CHD9: variants seen among roughly 807,000 people sequenced by gnomAD.
CHD9 encodes chromodomain helicase DNA binding protein 9.
In CHD9, 77 loss-of-function variants were observed where a neutral mutation model predicts 316.1. That is an observed-to-expected ratio of 0.24 (90% CI 0.20 to 0.29). CHD9 has a LOEUF of 0.29. CHD9 is among the 10% of genes least tolerant of loss of function. The probability of loss-of-function intolerance (pLI) is 1.00; values close to 1 mark genes in which losing one functional copy is unlikely to be tolerated. For missense variants in CHD9, 2,763 were observed against 3,438.1 expected, an observed-to-expected ratio of 0.80 and a Z score of 4.91; for synonymous variants, 1,129 against 1,158.3, an observed-to-expected ratio of 0.97 and a Z score of 0.51.
intron 26 of CHD9, 122 bp from the exon 27 acceptor site, chr16:53,287,835 C>A: frequency 1.3e-6 from 1 of 753,098 alleles, no homozygotes; most frequent in Non-Finnish European, 2.3e-6. Flanking sequence ...GCTCTTCTGG[C>A]TAGAGAAGAG....
chr16:53,128,049 G>A lies in CHD9; in HGVS notation c.-164-27877G>A, dbSNP rs902687723. Reference sequence around the variant, plus strand: ...TGCTTGGGACTAAATTTCAGTAAACGTATCTATTGTAGGATGTTTCTTTCA... The same window carrying A: ...TGCTTGGGACTAAATTTCAGTAAACATATCTATTGTAGGATGTTTCTTTCA... On this transcript the variant is annotated intron_variant, in intron 1 of 38. Transcript: ENST00000447540. 1.3e-4 allele frequency among the ~76,000 whole-genome samples: 20 copies of A among 151,702 alleles called. No homozygotes were observed. In the South Asian group the frequency reaches 3.5e-3, roughly 27 times the overall value.
At chr16:53,191,731 C>T (rs1246676033) in intron 2 of CHD9, among the ~76,000 whole-genome samples, 2 of 152,048 alleles carry the variant, frequency 1.3e-5, no homozygotes, top group Admixed American at 6.5e-5. Flanking sequence ...CCTCTAAGAA[C>T]ATTCAAGTTC....
chr16:53,148,132 A>G (rs73599557), intron 1 of CHD9, among the ~76,000 whole-genome samples: 47,284 of 152,046 alleles, frequency 0.31, 7,514 homozygotes, highest in Middle Eastern at 0.39. Flanking sequence ...GTTTGAATCC[A>G]GGAGGCAGAG....
chr16:53,202,567 T>C (rs901342351), intron 2 of CHD9, among the ~76,000 whole-genome samples: 3 of 152,194 alleles, frequency 2.0e-5, no homozygotes, highest in African/African-American at 7.2e-5. Context: ...ATTTTGCTGA[T>C]TACATCTGGA....
In CHD9 at chr16:53,208,782, A is replaced by G. The variant is rs149931182; in HGVS notation, c.1453-700A>G. 8.5e-6 allele frequency: 7 copies of G among 826,562 alleles called. No individual in the cohort carries two copies. The East Asian group carries it at 7.5e-4, about 88-fold the overall frequency. The allele number at this position is 826,562 out of a possible 1,614,324, so 51.2% of individuals were successfully genotyped here. ...TGTTTGAAGAGGAAATTCTTTTTAA[A>G]ATGCTCTTGATCTGCTTCCTGTGAT... On this transcript the variant is annotated intron_variant, in intron 2 of 38. Transcript: ENST00000447540.
Position 53,261,752 on chromosome 16 carries a change from A to G in CHD9, c.4210-1235A>G, listed in dbSNP as rs139684199. 1.3e-3 allele frequency among the ~76,000 whole-genome samples: 202 copies of G among 152,318 alleles called. 1 individual carries two copies. The highest frequency in any genetic ancestry group is 4.4e-3 in the African/African-American group (183 of 41,584). On this transcript the variant is annotated intron_variant, in intron 19 of 38. Coordinates refer to ENST00000447540, the MANE Select transcript of CHD9 (RefSeq NM_001308319.2). ...TATCAACTCATGCTAAACTTGTTTC[A>G]TCACCACCTCCCACTTTTTCATACT...
In CHD9 at chr16:53,267,159, A is replaced by G. The variant is rs537408851; in HGVS notation, c.4321-135A>G. The G allele has an allele frequency of 1.9e-5, 10 of 520,274 alleles. No individual in the cohort carries two copies. In the South Asian group the frequency reaches 4.1e-4, roughly 21 times the overall value. The allele number at this position is 520,274 out of a possible 1,614,324, so 32.2% of individuals were successfully genotyped here. A position where few individuals can be genotyped will look rare whatever the true frequency, so the allele number is the denominator to read the frequency against. Reference sequence around the variant, plus strand: ...ATAAGCAATTCTAAGTTGACTGAATAGGTTGGTGAAATTGTTAGTTGTTTC... The same window carrying G: ...ATAAGCAATTCTAAGTTGACTGAATGGGTTGGTGAAATTGTTAGTTGTTTC... On this transcript the variant is annotated intron_variant, in intron 20 of 38. Transcript: ENST00000447540.
chr16:53,241,307 T>C (rs903591286), intron 12 of CHD9, among the ~76,000 whole-genome samples: 3 of 152,206 alleles, frequency 2.0e-5, no homozygotes, highest in African/African-American at 4.8e-5. Context: ...CCCCCTTTAT[T>C]GGTTCCTTCT....
intron 1 of CHD9, among the ~76,000 whole-genome samples, chr16:53,074,482 C>T (rs896599374): frequency 3.3e-5 from 5 of 152,170 alleles, no homozygotes; most frequent in African/African-American, 7.2e-5. Flanking sequence ...GAGACCTTTG[C>T]GGCAGCCTCT....
chr16:53,267,352 C>T lies in CHD9; in HGVS notation c.4379C>T (p.Thr1460Ile). 1 of 1,612,314 alleles carries T rather than the reference C, an allele frequency of 6.2e-7. No individual in the cohort carries two copies. The highest frequency in any genetic ancestry group is 8.5e-7 in the Non-Finnish European group (1 of 1,178,978). ...IRKQTRPFSA[T>I]KDELAELSEA... ...AAGCAAACAAGACCTTTTAGTGCCA[C>T]AAAAGATGAATTGGCTGAATTATCT... Residue 1460 changes from threonine (T) to isoleucine (I), a missense_variant, in exon 21 of 39, where the codon ACA (threonine) becomes ATA (isoleucine). Physicochemically the swap from Thr to Ile is moderately conservative, Grantham distance 89 (BLOSUM62 -1). Coordinates refer to ENST00000447540, the MANE Select transcript of CHD9 (RefSeq NM_001308319.2).
At chr16:53,264,041 A>G (rs1214780132) in intron 20 of CHD9, among the ~76,000 whole-genome samples, 1 of 152,102 alleles carries the variant, frequency 6.6e-6, no homozygotes, top group Non-Finnish European at 1.5e-5. Flanking sequence ...CAGTAGAAAA[A>G]AAAAAGATAT....
chr16:53,307,364 G>A (rs2056078371), intron 32 of CHD9, among the ~76,000 whole-genome samples: 1 of 151,822 alleles, frequency 6.6e-6, no homozygotes, highest in Non-Finnish European at 1.5e-5. Flanking sequence ...ACAGGGTTTT[G>A]CTATGTTTCC....
At chr16:53,079,397 C>G (rs765948417) in intron 1 of CHD9, among the ~76,000 whole-genome samples, 3 of 152,180 alleles carry the variant, frequency 2.0e-5, no homozygotes, top group Non-Finnish European at 4.4e-5. Context: ...AGATGACGTT[C>G]TAATCTGACA....
chr16:53,198,356 A>G (rs970851868), intron 2 of CHD9, among the ~76,000 whole-genome samples: 3 of 131,190 alleles, frequency 2.3e-5, no homozygotes, highest in Non-Finnish European at 4.7e-5. Flanking sequence ...GTCTCGCTCT[A>G]TCGCCAGGCT....
At chr16:53,192,066 C>CAAAA (rs563995905) in intron 2 of CHD9, among the ~76,000 whole-genome samples, 1 of 69,840 alleles carries the variant, frequency 1.4e-5, no homozygotes, top group Non-Finnish European at 3.3e-5. Context: ...GACTCCATCT[C>CAAAA]AAAAAAAAAA....
intron 2 of CHD9, among the ~76,000 whole-genome samples, chr16:53,164,272 C>CA (rs1300924962): frequency 6.6e-6 from 1 of 152,062 alleles, no homozygotes; most frequent in Non-Finnish European, 1.5e-5. Context: ...CAAAAGAAAA[C>CA]AAACAAAAAA....
Position 53,227,217 on chromosome 16 carries a change from A to G in CHD9, c.2044-179A>G. 5 of 467,572 alleles carry G rather than the reference A, an allele frequency of 1.1e-5. No individual in the cohort carries two copies. In the East Asian group the frequency reaches 2.2e-4, roughly 21 times the overall value. 29.0% of individuals were successfully genotyped at this position (467,572 alleles called of 1,614,324 possible). ...CTACAGAGATAATGCAGGTGATGAA[A>G]AGGACAATGACAATGATATATTTTT... On this transcript the variant is annotated intron_variant, in intron 5 of 38. Transcript: ENST00000447540.
chr16:53,180,908 C>T (rs2043455819), intron 2 of CHD9, among the ~76,000 whole-genome samples: 1 of 151,894 alleles, frequency 6.6e-6, no homozygotes, highest in Non-Finnish European at 1.5e-5. Flanking sequence ...ATCTCCTGAC[C>T]TCGTGATCCG....
chr16:53,176,912 C>T (rs1328614478), intron 2 of CHD9, among the ~76,000 whole-genome samples: 1 of 152,160 alleles, frequency 6.6e-6, no homozygotes, highest in Non-Finnish European at 1.5e-5. Context: ...TTTATCCTCA[C>T]AACAATCCAA....
Sources: gnomAD v4.1 joint callset for allele counts (sites outside exome capture counted in the v4.1 genomes callset) on GRCh38, gnomAD v4.1.1 for gene constraint, MANE v1.5 for transcripts, NCBI Gene and HGNC (gene_info 2026-07-23, HGNC 2026-07-21) for gene names.